Variants in CDH4 observed in about 807,000 individuals in gnomAD.
CDH4 encodes cadherin 4.
Under a neutral mutation model 86.0 loss-of-function variants are expected in CDH4, and 33 were observed. The ratio of observed to expected loss-of-function variants is 0.38; its 90% CI spans 0.29 to 0.51. The LOEUF (loss-of-function observed/expected upper bound fraction) is 0.51. Ranked by LOEUF, CDH4 falls within the 20% of genes least tolerant of loss-of-function variation. The pLI is 0.86. For missense variants in CDH4, 1,114 were observed against 1,307.4 expected (o/e 0.85, Z 2.28); for synonymous variants, 555 against 549.4 (o/e 1.01, Z -0.14).
intron 2 of CDH4, among the ~76,000 whole-genome samples, chr20:61,534,278 A>T (rs1398947847): frequency 6.6e-6 from 1 of 152,210 alleles, no homozygotes; most frequent in Non-Finnish European, 1.5e-5. Context: ...TCTCATGCAG[A>T]TGGGACACTG....
chr20:61,714,021 T>TTTTTTTTTTA (rs2087922469), intron 2 of CDH4, among the ~76,000 whole-genome samples: 1 of 135,894 alleles, frequency 7.4e-6, no homozygotes, highest in African/African-American at 3.0e-5. Context: ...GTCTATTCTT[T>TTTTTTTTTTA]TTTTATTTTA....
At chr20:61,473,201 G>A (rs911220189) in intron 2 of CDH4, among the ~76,000 whole-genome samples, 25 of 152,182 alleles carry the variant, frequency 1.6e-4, no homozygotes, top group African/African-American at 6.0e-4. Flanking sequence ...CTTTAGCATA[G>A]ATAAGAATAA....
chr20:61,775,410 A>T (rs548799865), intron 4 of CDH4, among the ~76,000 whole-genome samples: 2 of 152,196 alleles, frequency 1.3e-5, no homozygotes, highest in Non-Finnish European at 2.9e-5. Context: ...GTAGACAGTC[A>T]TCGATCTTAC....
chr20:61,802,793 C>T (rs990352250), intron 4 of CDH4, among the ~76,000 whole-genome samples: 3 of 152,188 alleles, frequency 2.0e-5, no homozygotes, highest in African/African-American at 7.2e-5. Context: ...AGGAACCGGG[C>T]CTTCCCACCA....
intron 2 of CDH4, among the ~76,000 whole-genome samples, chr20:61,565,777 GTA>G: frequency 6.6e-6 from 1 of 152,198 alleles, no homozygotes; most frequent in East Asian, 1.9e-4. Flanking sequence ...CTCCTTCCAC[GTA>G]GGGAACAGCA....
intron 2 of CDH4, among the ~76,000 whole-genome samples, chr20:61,648,953 G>A (rs1486041433): frequency 5.3e-5 from 8 of 152,288 alleles, no homozygotes; most frequent in African/African-American, 2.4e-5. Flanking sequence ...GGTGGCCATC[G>A]GGGGCCATCT....
Position 61,879,609 on chromosome 20 carries a change from A to G in CDH4, c.1050+5709A>G, listed in dbSNP as rs1420726155. Among the ~76,000 whole-genome samples the G allele has an allele frequency of 6.6e-6, 1 of 152,176 alleles. No individual in the cohort carries two copies. Among genetic ancestry groups the G allele is most frequent in the East Asian group, 1.9e-4 (1 of 5,188 alleles). On this transcript the variant is annotated intron_variant, in intron 7 of 15. Transcript: ENST00000614565. This position sits in a 1 kb window ranked among gnomAD's most constrained non-coding sequence, Gnocchi z 4.1. ...GCTTCGATAAGACCTGAGCGGTTCA[A>G]GTGTCTCTCGTGTACCAGCCGAAGA...
chr20:61,840,163 T>C (rs928514380), intron 4 of CDH4, among the ~76,000 whole-genome samples: 1 of 152,164 alleles, frequency 6.6e-6, no homozygotes, highest in African/African-American at 2.4e-5. Context: ...AGTGTCTGTG[T>C]CCGTCTGCGG....
chr20:61,265,482 A>G (rs926057937), intron 2 of CDH4, among the ~76,000 whole-genome samples: 1 of 152,012 alleles, frequency 6.6e-6, no homozygotes, highest in Non-Finnish European at 1.5e-5. Flanking sequence ...CACAGACCTC[A>G]GTGGCTCCTT....
intron 2 of CDH4, among the ~76,000 whole-genome samples, chr20:61,520,437 T>G (rs2085860115): frequency 6.6e-6 from 1 of 152,184 alleles, no homozygotes; most frequent in Non-Finnish European, 1.5e-5. Context: ...CTCAGTGTCC[T>G]CATCTGTGAG....
intron 2 of CDH4, among the ~76,000 whole-genome samples, chr20:61,506,852 T>C (rs2085744692): frequency 6.6e-6 from 1 of 152,112 alleles, no homozygotes; most frequent in Admixed American, 6.6e-5. Context: ...GTTTAAACAT[T>C]TGCGAAAGGA....
intron 4 of CDH4, among the ~76,000 whole-genome samples, chr20:61,790,932 CTCCATTCA>C (rs1311588636): frequency 2.0e-5 from 3 of 152,008 alleles, no homozygotes; most frequent in Non-Finnish European, 4.4e-5. Context: ...TCGTTCATCT[CTCCATTCA>C]TCCATTCATC....
intron 2 of CDH4, among the ~76,000 whole-genome samples, chr20:61,378,047 C>T (rs1028069248): frequency 6.6e-6 from 1 of 152,166 alleles, no homozygotes; most frequent in Non-Finnish European, 1.5e-5. Flanking sequence ...GAGCCCAGGA[C>T]TTCAAGACCA....
chr20:61,254,700 AGACGGTGGCCT>A, intron 1 of CDH4, 115 bp from the exon 2 acceptor site: 2 of 703,566 alleles, frequency 2.8e-6, no homozygotes, highest in African/African-American at 3.5e-5. Flanking sequence ...GTCTGGGTGG[AGACGGTGGCCT>A]GCCAGCCTTT....
chr20:61,686,730 C>T (rs1287739733), intron 2 of CDH4, among the ~76,000 whole-genome samples: 4 of 146,616 alleles, frequency 2.7e-5, no homozygotes, highest in African/African-American at 7.6e-5. Flanking sequence ...TGTGTGCCTT[C>T]GTGCGTGTGT....
At position 61,480,635 on chromosome 20, in the gene CDH4, C is replaced by T. The variant is rs1023934463; in HGVS notation, c.169+225698C>T. On this transcript the variant is annotated intron_variant, in intron 2 of 15. Coordinates refer to ENST00000614565, the MANE Select transcript of CDH4 (RefSeq NM_001794.5). This position sits in a 1 kb window ranked among gnomAD's most constrained non-coding sequence, Gnocchi z 5.2. ...AGGAGGTGTGGAGGTGTGGGGAGGG[C>T]GGGGCTGAGCCAGGGCAGGTGAGCA... 6.6e-6 allele frequency among the ~76,000 whole-genome samples: 1 copy of T among 152,098 alleles called. No individual in the cohort carries two copies. The highest frequency in any genetic ancestry group is 6.5e-5 in the Admixed American group (1 of 15,282).
At chr20:61,700,025 C>T (rs971315410) in intron 2 of CDH4, among the ~76,000 whole-genome samples, 1 of 152,316 alleles carries the variant, frequency 6.6e-6, no homozygotes, top group African/African-American at 2.4e-5. Flanking sequence ...TGCAGGTATC[C>T]GTGCAGGCGT....
chr20:61,319,502 C>T (rs750809346), intron 2 of CDH4, among the ~76,000 whole-genome samples: 56 of 152,180 alleles, frequency 3.7e-4, no homozygotes, highest in Admixed American at 1.3e-4. Context: ...CACGGGCATG[C>T]GGAGGTCTCT....
At chr20:61,461,051 G>T (rs2085439129) in intron 2 of CDH4, among the ~76,000 whole-genome samples, 1 of 152,120 alleles carries the variant, frequency 6.6e-6, no homozygotes, top group Non-Finnish European at 1.5e-5. Context: ...CTGAAGACCA[G>T]GTTCCTAATA....
Sources: allele counts gnomAD v4.1 joint callset (sites outside exome capture counted in the v4.1 genomes callset), GRCh38; gene constraint gnomAD v4.1.1; non-coding constraint Gnocchi (gnomAD v3.1); transcripts MANE v1.5; gene names NCBI Gene and HGNC (gene_info 2026-07-23, HGNC 2026-07-21).